The following NETO2 variants were observed in gnomAD, a reference collection of about 807,000 sequenced individuals.
The protein encoded by NETO2 is neuropilin and tolloid like 2.
Under a neutral mutation model 62.5 loss-of-function variants are expected in NETO2, and 28 were observed. That is an observed-to-expected ratio of 0.45 (90% confidence interval 0.33 to 0.61). NETO2 has a LOEUF of 0.61. NETO2 is among the 20% of genes least tolerant of loss of function. The pLI, the probability that NETO2 is intolerant of heterozygous loss-of-function variation, is 0.02. For missense variants in NETO2, 548 were observed against 643.2 expected (o/e 0.85, Z 1.60); for synonymous variants, 214 against 219.1 (o/e 0.98, Z 0.21).
intron 6 of NETO2, among the ~76,000 whole-genome samples, chr16:47,116,072 G>C (rs898831486): frequency 6.6e-6 from 1 of 151,236 alleles, no homozygotes; most frequent in Non-Finnish European, 1.5e-5. Flanking sequence ...GACTTAGCTT[G>C]CTACAGATTT....
rs1567380501 is a variant in NETO2, at chr16:47,091,848, A to T, written c.884-5509T>A. ...ACTGCGTATGTGCTACTGCATTTTT[A>T]TTTTTTTTTTGGAGACAGAGTCTCA... On this transcript the variant is annotated intron_variant, in intron 7 of 8. Coordinates refer to ENST00000562435, the MANE Select transcript of NETO2 (RefSeq NM_018092.5). Among the ~76,000 whole-genome samples the T allele has an allele frequency of 2.7e-5, 4 of 148,648 alleles. No homozygotes were observed. In the South Asian group the frequency reaches 6.4e-4, roughly 24 times the overall value.
At chr16:47,098,240 A>G (rs996573355) in intron 7 of NETO2, among the ~76,000 whole-genome samples, 2 of 152,334 alleles carry the variant, frequency 1.3e-5, no homozygotes, top group African/African-American at 4.8e-5. Flanking sequence ...GAGCTAAAGG[A>G]GCATGTTCTA....
chr16:47,091,977 G>A (rs1963321880), intron 7 of NETO2, among the ~76,000 whole-genome samples: 1 of 151,604 alleles, frequency 6.6e-6, no homozygotes, highest in East Asian at 1.9e-4. Flanking sequence ...AGAGTAGCTG[G>A]AACCACAGGT....
At chr16:47,137,791 T>A (rs1964388475) in intron 1 of NETO2, among the ~76,000 whole-genome samples, 1 of 152,236 alleles carries the variant, frequency 6.6e-6, no homozygotes, top group Non-Finnish European at 1.5e-5. Flanking sequence ...TGCACACTTC[T>A]ATGTTAGCAT....
intron 1 of NETO2, among the ~76,000 whole-genome samples, chr16:47,133,001 A>T (rs1388537059): frequency 6.6e-6 from 1 of 152,210 alleles, no homozygotes; most frequent in Non-Finnish European, 1.5e-5. Context: ...TAAATGAGAT[A>T]ATGTATATAG....
At chr16:47,114,685 C>T (rs546420906) in intron 6 of NETO2, among the ~76,000 whole-genome samples, 3 of 151,536 alleles carry the variant, frequency 2.0e-5, no homozygotes, top group East Asian at 1.9e-4. Flanking sequence ...TTCCCGACCT[C>T]GAGATCCGCC....
intron 4 of NETO2, among the ~76,000 whole-genome samples, chr16:47,124,441 A>G (rs1964112395): frequency 6.6e-6 from 1 of 152,218 alleles, no homozygotes; most frequent in African/African-American, 2.4e-5. Flanking sequence ...ATTTCATTAA[A>G]AAAAATGAAC....
intron 4 of NETO2, among the ~76,000 whole-genome samples, chr16:47,124,930 A>G (rs1262226516): frequency 6.6e-6 from 1 of 152,256 alleles, no homozygotes; most frequent in Admixed American, 6.5e-5. Flanking sequence ...TACTTTGTCT[A>G]TATTTTAACT....
At chr16:47,115,697 T>TTATA (rs1261414157) in intron 6 of NETO2, among the ~76,000 whole-genome samples, 4 of 117,884 alleles carry the variant, frequency 3.4e-5, no homozygotes, top group African/African-American at 2.0e-4. Flanking sequence ...CGGCTAATTT[T>TTATA]TATATATATA....
chr16:47,098,937 C>T (rs1963487877), intron 7 of NETO2, among the ~76,000 whole-genome samples: 1 of 152,098 alleles, frequency 6.6e-6, no homozygotes, highest in Non-Finnish European at 1.5e-5. Context: ...CTCACTGCAA[C>T]CTCTGCCTCC....
chr16:47,100,766 C>A (rs1306975272), intron 7 of NETO2, among the ~76,000 whole-genome samples: 1 of 152,152 alleles, frequency 6.6e-6, no homozygotes, highest in Non-Finnish European at 1.5e-5. Context: ...GAAGTTGAAT[C>A]CCTGAGTAGA....
chr16:47,088,962 AAG>A (rs1432046748), intron 7 of NETO2, among the ~76,000 whole-genome samples: 1 of 152,246 alleles, frequency 6.6e-6, no homozygotes, highest in Non-Finnish European at 1.5e-5. Flanking sequence ...CTTTGCTATT[AAG>A]AGTGTGACCA....
chr16:47,090,679 T>C (rs918508650), intron 7 of NETO2, among the ~76,000 whole-genome samples: 2 of 152,340 alleles, frequency 1.3e-5, no homozygotes, highest in Non-Finnish European at 2.9e-5. Context: ...AGGCAGTATG[T>C]CACCGAAAAT....
At chr16:47,127,707 T>C (rs1964185460) in intron 4 of NETO2, among the ~76,000 whole-genome samples, 1 of 152,218 alleles carries the variant, frequency 6.6e-6, no homozygotes, top group South Asian at 2.1e-4. Flanking sequence ...GTTTCTGCTG[T>C]CTGAAGTGGC....
chr16:47,113,585 C>CTTTTTT (rs953891691), intron 6 of NETO2, among the ~76,000 whole-genome samples: 157 of 106,474 alleles, frequency 1.5e-3, no homozygotes, highest in Non-Finnish European at 2.1e-3. Flanking sequence ...ACAGTTTATT[C>CTTTTTT]TTTTTTTTTT....
At chr16:47,117,409 T>TC (rs1225070940) in intron 6 of NETO2, among the ~76,000 whole-genome samples, 5 of 152,260 alleles carry the variant, frequency 3.3e-5, no homozygotes, top group Non-Finnish European at 2.9e-5. Flanking sequence ...TATATGTCCT[T>TC]CAAGTTTGGG....
At chr16:47,135,343 C>T (rs1034448972) in intron 1 of NETO2, among the ~76,000 whole-genome samples, 2 of 152,128 alleles carry the variant, frequency 1.3e-5, no homozygotes, top group African/African-American at 2.4e-5. Context: ...ATCTCAAATA[C>T]AGGAAGACCT....
intron 7 of NETO2, among the ~76,000 whole-genome samples, chr16:47,103,531 C>T (rs1963601870): frequency 6.6e-6 from 1 of 152,254 alleles, no homozygotes; most frequent in South Asian, 2.1e-4. Flanking sequence ...GAACTAGTTA[C>T]TCATTCTATG....
chr16:47,127,002 G>A (rs1596740934), intron 4 of NETO2, among the ~76,000 whole-genome samples: 2 of 152,260 alleles, frequency 1.3e-5, no homozygotes, highest in African/African-American at 2.4e-5. Context: ...CCAATCTTGT[G>A]TAACAAACAA....
Sources: gnomAD v4.1 joint callset for allele counts (sites outside exome capture counted in the v4.1 genomes callset) on GRCh38, gnomAD v4.1.1 for gene constraint, MANE v1.5 for transcripts, NCBI Gene and HGNC (gene_info 2026-07-23, HGNC 2026-07-21) for gene names.